The following CD1B variants were observed in gnomAD, a reference collection of about 807,000 sequenced individuals.
CD1B encodes the protein T-cell surface glycoprotein CD1b.
CD1B carries 43 observed loss-of-function variants against 39.8 expected under a neutral mutation model. That is an observed-to-expected ratio of 1.08 (90% CI 0.85 to 1.39). CD1B has a LOEUF of 1.39. CD1B is among the 40% of genes most tolerant of loss of function. The pLI, the probability that CD1B is intolerant of heterozygous loss-of-function variation, is 0.00. For missense variants in CD1B, 495 were observed against 403.8 expected, an observed-to-expected ratio of 1.23 and a Z score of -1.94; for synonymous variants, 192 against 152.5, an observed-to-expected ratio of 1.26 and a Z score of -1.91.
downstream of CD1B, among the ~76,000 whole-genome samples, chr1:158,325,195 T>C (rs1351748885): frequency 6.6e-6 from 1 of 152,142 alleles, no homozygotes; most frequent in African/African-American, 2.4e-5. Context: ...CCTAGGCCAT[T>C]CATTCATAAG....
the CD1B span, among the ~76,000 whole-genome samples, chr1:158,306,194 G>T: frequency 6.6e-6 from 1 of 152,178 alleles, no homozygotes; most frequent in African/African-American, 2.4e-5. Flanking sequence ...CATAGCAAGT[G>T]CAGAGACACA....
chr1:158,287,940 C>T, the CD1B span, among the ~76,000 whole-genome samples: 1 of 152,304 alleles, frequency 6.6e-6, no homozygotes, highest in East Asian at 1.9e-4. Context: ...GTGGTCAGGA[C>T]TGGAGCTGGC....
chr1:158,327,738 A>T (rs1652407185), downstream of CD1B, among the ~76,000 whole-genome samples: 1 of 152,220 alleles, frequency 6.6e-6, no homozygotes, highest in Non-Finnish European at 1.5e-5. Context: ...AGCACTAGGA[A>T]AGTCTTCCTG....
the CD1B span, among the ~76,000 whole-genome samples, chr1:158,322,215 C>A: frequency 6.6e-6 from 1 of 151,982 alleles, no homozygotes; most frequent in Non-Finnish European, 1.5e-5. Context: ...TGTTAGATAT[C>A]CCAAATTTAT....
At chr1:158,314,145 C>T in the CD1B span, among the ~76,000 whole-genome samples, 1 of 152,062 alleles carries the variant, frequency 6.6e-6, no homozygotes, top group East Asian at 1.9e-4. Flanking sequence ...AGTGCAGTGG[C>T]ACGATCTCTG....
chr1:158,325,307 C>A (rs1376412618), downstream of CD1B, among the ~76,000 whole-genome samples: 1 of 151,994 alleles, frequency 6.6e-6, no homozygotes, highest in African/African-American at 2.4e-5. Flanking sequence ...TAATTCTATT[C>A]TTCTCATGAT....
the CD1B span, among the ~76,000 whole-genome samples, chr1:158,316,692 A>G: frequency 1.3e-5 from 2 of 150,800 alleles, no homozygotes; most frequent in African/African-American, 2.5e-5. Flanking sequence ...TTCCAACACT[A>G]TGTTGAATAG....
chr1:158,296,089 A>C, the CD1B span, among the ~76,000 whole-genome samples: 1 of 151,848 alleles, frequency 6.6e-6, no homozygotes, highest in Non-Finnish European at 1.5e-5. Context: ...GGACCCCACC[A>C]TGCCACTGCC....
the CD1B span, among the ~76,000 whole-genome samples, chr1:158,319,343 C>T: frequency 1.5e-3 from 236 of 152,294 alleles, no homozygotes; most frequent in Non-Finnish European, 2.9e-3. Context: ...TCCCATATTT[C>T]TTGGAGGCTT....
At chr1:158,294,226 G>A in the CD1B span, among the ~76,000 whole-genome samples, 1 of 152,236 alleles carries the variant, frequency 6.6e-6, no homozygotes, top group Non-Finnish European at 1.5e-5. Flanking sequence ...CAGGGTTGGA[G>A]TGGGATCAAG....
chr1:158,301,166 T>C, the CD1B span, among the ~76,000 whole-genome samples: 340 of 152,214 alleles, frequency 2.2e-3, 2 homozygotes, highest in African/African-American at 8.0e-3. Flanking sequence ...CATCCCTTTA[T>C]TTTGAGCCTA....
chr1:158,293,648 C>T, the CD1B span: 3 of 1,495,982 alleles, frequency 2.0e-6, no homozygotes, highest in African/African-American at 1.4e-5. Context: ...CTTGGAATCT[C>T]CACTTTTTAT....
At chr1:158,296,004 A>G in the CD1B span, among the ~76,000 whole-genome samples, 19 of 151,958 alleles carry the variant, frequency 1.3e-4, no homozygotes, top group African/African-American at 4.6e-4. Flanking sequence ...ACCCTGCCAC[A>G]CTACCATCCC....
At chr1:158,310,513 A>T in the CD1B span, among the ~76,000 whole-genome samples, 2 of 152,274 alleles carry the variant, frequency 1.3e-5, no homozygotes, top group South Asian at 4.1e-4. Context: ...CAAAATTGTC[A>T]ACAGAATAAA....
chr1:158,291,256 T>G, the CD1B span: 1 of 1,614,110 alleles, frequency 6.2e-7, no homozygotes, highest in South Asian at 1.1e-5. Context: ...GGACAGTGAA[T>G]CAGGCACAAT....
At chr1:158,293,896 T>C in the CD1B span, among the ~76,000 whole-genome samples, 1 of 152,192 alleles carries the variant, frequency 6.6e-6, no homozygotes, top group Non-Finnish European at 1.5e-5. Context: ...AAACATCATA[T>C]CTAAGTTGGA....
At chr1:158,304,422 T>A in the CD1B span, among the ~76,000 whole-genome samples, 1 of 151,856 alleles carries the variant, frequency 6.6e-6, no homozygotes. Flanking sequence ...TAGGCTTGAG[T>A]AGGTAAACAA....
rs75664720 is a variant in CD1B, at chr1:158,328,903, A to C, written c.980+18T>G. 0.027 allele frequency: 41,281 copies of C among 1,548,624 alleles called. 3,057 individuals are homozygous for C. Among genetic ancestry groups the C allele is most frequent in the African/African-American group, 0.26 (18,566 of 70,634 alleles). On this transcript the variant is annotated intron_variant, in intron 5 of 5. Coordinates refer to ENST00000368168, the MANE Select transcript of CD1B (RefSeq NM_001764.3). Reference sequence around the variant, plus strand: ...AAAAGACATATTAAAAAAAAAAACAACACCACCCACAACTCACCGGCGCCT... The same window carrying C: ...AAAAGACATATTAAAAAAAAAAACACCACCACCCACAACTCACCGGCGCCT...
At chr1:158,297,589 C>G in the CD1B span, among the ~76,000 whole-genome samples, 1 of 152,144 alleles carries the variant, frequency 6.6e-6, no homozygotes, top group Non-Finnish European at 1.5e-5. Flanking sequence ...TCTCACTTAT[C>G]AATATTTACC....
Sources: allele counts gnomAD v4.1 joint callset (sites outside exome capture counted in the v4.1 genomes callset), GRCh38; gene constraint gnomAD v4.1.1; transcripts MANE v1.5; gene names NCBI Gene and HGNC (gene_info 2026-07-23, HGNC 2026-07-21).